HIVEP2: variants seen among roughly 807,000 people sequenced by gnomAD.
The protein encoded by HIVEP2 is HIVEP zinc finger 2, also known as transcription factor HIVEP2.
HIVEP2 carries 14 observed loss-of-function variants against 180.7 expected under a neutral mutation model. The ratio of observed to expected loss-of-function variants is 0.08; its 90% CI spans 0.05 to 0.12. The LOEUF is 0.12. Among genes scored for constraint, HIVEP2 ranks in the 10% least tolerant of loss-of-function variants. HIVEP2 has a pLI of 1.00. For synonymous variants in HIVEP2, 1,184 were observed against 1,136.4 expected (o/e 1.04, Z -0.84); for missense variants, 2,579 against 3,008.5 (o/e 0.86, Z 3.34).
intron 2 of HIVEP2, among the ~76,000 whole-genome samples, chr6:142,822,355 C>T (rs1312701758): frequency 6.6e-6 from 1 of 152,148 alleles, no homozygotes; most frequent in Admixed American, 6.5e-5. Context: ...TAGTAATATA[C>T]ATAATTCTTT....
chr6:142,925,391 A>C (rs373449386), intron 1 of HIVEP2, among the ~76,000 whole-genome samples: 1 of 152,132 alleles, frequency 6.6e-6, no homozygotes, highest in African/African-American at 2.4e-5. Context: ...TTATTTTCTT[A>C]AGTGGGCCAC....
chr6:142,928,171 T>C (rs566847881), intron 1 of HIVEP2, among the ~76,000 whole-genome samples: 35 of 152,320 alleles, frequency 2.3e-4, no homozygotes, highest in South Asian at 1.4e-3. Context: ...AGGCTGTGTG[T>C]ATGTGGGGAC....
chr6:142,864,289 C>G (rs749623818), intron 1 of HIVEP2, among the ~76,000 whole-genome samples: 2 of 152,068 alleles, frequency 1.3e-5, no homozygotes, highest in African/African-American at 2.4e-5. Context: ...CCTGGAGGTC[C>G]CTTTAACCAA....
At chr6:142,877,090 AAC>A in intron 1 of HIVEP2, among the ~76,000 whole-genome samples, 1 of 152,186 alleles carries the variant, frequency 6.6e-6, no homozygotes, top group East Asian at 1.9e-4. Flanking sequence ...AATAAGGCAT[AAC>A]AGTTTCTACA....
At chr6:142,782,749 C>A (rs1775889047) in intron 3 of HIVEP2, among the ~76,000 whole-genome samples, 1 of 152,126 alleles carries the variant, frequency 6.6e-6, no homozygotes, top group South Asian at 2.1e-4. Flanking sequence ...TAATGAGAAA[C>A]AAACATATTT....
intron 1 of HIVEP2, among the ~76,000 whole-genome samples, chr6:142,874,623 C>G (rs992260446): frequency 2.0e-5 from 3 of 152,014 alleles, no homozygotes; most frequent in South Asian, 4.1e-4. Flanking sequence ...AACAATTATA[C>G]TCTTCTATGA....
chr6:142,774,353 G>A lies in HIVEP2; in HGVS notation c.386C>T (p.Pro129Leu), dbSNP rs779464382. ...LEGPPWLFPG[P>L]LPSVASEDLF... ...GTCCTCAGAGGCAACGGATGGCAAAGGGCCAGGGAAAAGCCACGGAGGACC... is the reference window on the plus strand; with the variant it reads ...GTCCTCAGAGGCAACGGATGGCAAAAGGCCAGGGAAAAGCCACGGAGGACC... Residue 129 changes from proline (P) to leucine (L), a missense_variant, in exon 5 of 10, where the codon CCT becomes CTT. Pro to Leu is a moderately conservative substitution (Grantham distance 98). Around this residue, in one of 11 missense-constraint regions of HIVEP2, gnomAD observed 207 missense variants for 210.1 expected, o/e 0.99. Transcript: ENST00000367603. The surrounding 1 kb of genome is among the most constrained non-coding windows in gnomAD (Gnocchi z 5.1). The A allele has an allele frequency of 6.2e-7, 1 of 1,614,228 alleles. No individual in the cohort carries two copies. The highest frequency in any genetic ancestry group is 8.5e-7 in the Non-Finnish European group (1 of 1,180,042).
chr6:142,799,194 T>C (rs1486259505), intron 2 of HIVEP2, among the ~76,000 whole-genome samples: 1 of 152,198 alleles, frequency 6.6e-6, no homozygotes, highest in Non-Finnish European at 1.5e-5. Context: ...CTGTTCTTAA[T>C]GTATTTCATA....
intron 2 of HIVEP2, among the ~76,000 whole-genome samples, chr6:142,818,732 G>A (rs201173638): frequency 0.11 from 4,267 of 39,612 alleles, 179 homozygotes; most frequent in Middle Eastern, 0.14. Flanking sequence ...AAGAAAGAAA[G>A]AAAAGAAAGA....
At chr6:142,841,827 C>T (rs1775372594) in intron 1 of HIVEP2, among the ~76,000 whole-genome samples, 1 of 152,088 alleles carries the variant, frequency 6.6e-6, no homozygotes, top group African/African-American at 2.4e-5. Flanking sequence ...TCTCCTGATT[C>T]TCTGTCTTTC....
intron 2 of HIVEP2, among the ~76,000 whole-genome samples, chr6:142,793,597 C>A (rs1190531215): frequency 1.3e-5 from 2 of 149,530 alleles, no homozygotes; most frequent in South Asian, 2.1e-4. Context: ...TTCTACCTCC[C>A]CCCTCCCACC....
At chr6:142,848,359 C>T (rs7754389) in intron 1 of HIVEP2, among the ~76,000 whole-genome samples, 3,267 of 152,182 alleles carry the variant, frequency 0.021, 114 homozygotes, top group African/African-American at 0.073. Flanking sequence ...TCCTGACACA[C>T]ACAGCTGTAT....
At chr6:142,873,209 C>T (rs1043185563) in intron 1 of HIVEP2, among the ~76,000 whole-genome samples, 12 of 152,162 alleles carry the variant, frequency 7.9e-5, no homozygotes, top group African/African-American at 1.2e-4. Flanking sequence ...CTCTCCTGTG[C>T]GAAGCCACAG....
chr6:142,770,667 C>T lies in HIVEP2; in HGVS notation c.4072G>A (p.Gly1358Arg). The T allele has an allele frequency of 1.2e-6, 2 of 1,614,170 alleles. No homozygotes were observed. Among genetic ancestry groups the T allele is most frequent in the East Asian group, 4.5e-5 (2 of 44,876 alleles). Residue 1358 changes from glycine to arginine, a missense_variant, in exon 5 of 10, where the codon GGG becomes AGG. By Grantham distance (125) the Gly-to-Arg change is moderately radical (BLOSUM62 -2). Around this residue, in one of 11 missense-constraint regions of HIVEP2, gnomAD observed 523 missense variants for 577.0 expected, o/e 0.91. Transcript: ENST00000367603. The surrounding 1 kb of genome is among the most constrained non-coding windows in gnomAD (Gnocchi z 4.7). ...ATGACAATGGCAGGGCTATTCTGCC[C>T]AAGTATCTGAGAAATGCTTGTGTAC... ...VMYTSISQIL[G>R]QNSPAIVICK...
intron 1 of HIVEP2, among the ~76,000 whole-genome samples, chr6:142,838,221 G>C (rs1271191442): frequency 6.6e-6 from 1 of 152,102 alleles, no homozygotes. Flanking sequence ...AATCCATGTA[G>C]TCATGGGAAA....
intron 1 of HIVEP2, among the ~76,000 whole-genome samples, chr6:142,941,891 T>A (rs1778187343): frequency 6.6e-6 from 1 of 152,180 alleles, no homozygotes; most frequent in Non-Finnish European, 1.5e-5. Context: ...AGAACTAATG[T>A]ATAGACCAAC....
intron 7 of HIVEP2, 138 bp from the exon 8 acceptor site, chr6:142,761,703 A>C: frequency 3.1e-6 from 2 of 653,068 alleles, no homozygotes; most frequent in South Asian, 1.7e-5. Flanking sequence ...TCTACCCACT[A>C]CCCCTTGTTT....
intron 1 of HIVEP2, among the ~76,000 whole-genome samples, chr6:142,851,083 T>C (rs1033883856): frequency 1.4e-4 from 21 of 152,232 alleles, no homozygotes; most frequent in Non-Finnish European, 2.9e-4. Flanking sequence ...ATACAAATAA[T>C]AGAAGCACTT....
At chr6:142,925,659 A>G (rs1211128406) in intron 1 of HIVEP2, among the ~76,000 whole-genome samples, 1 of 152,250 alleles carries the variant, frequency 6.6e-6, no homozygotes, top group Non-Finnish European at 1.5e-5. Flanking sequence ...CTATATGCAC[A>G]TCTCATAATC....
Sources: allele counts gnomAD v4.1 joint callset (sites outside exome capture counted in the v4.1 genomes callset), GRCh38; gene constraint gnomAD v4.1.1; regional missense constraint gnomAD v4.1.1; non-coding constraint Gnocchi (gnomAD v3.1); transcripts MANE v1.5; gene names NCBI Gene and HGNC (gene_info 2026-07-23, HGNC 2026-07-21).